Variants in DAB1 observed in about 807,000 individuals in gnomAD.
DAB1 encodes disabled homolog 1.
In DAB1, 15 loss-of-function variants were observed where a neutral mutation model predicts 64.6. The observed-to-expected ratio is 0.23, with a 90% CI of 0.16 to 0.36. The LOEUF (loss-of-function observed/expected upper bound fraction) is 0.36, where lower values mean the gene tolerates loss of function less well. Ranked by LOEUF, DAB1 falls within the 10% of genes least tolerant of loss-of-function variation. The pLI is 1.00. For missense variants in DAB1, 596 were observed against 706.7 expected (o/e 0.84, Z 1.78); for synonymous variants, 235 against 251.9 (o/e 0.93, Z 0.64).
At chr1:58,116,416 T>C (rs1355797975) in intron 5 of DAB1, among the ~76,000 whole-genome samples, 13 of 152,368 alleles carry the variant, frequency 8.5e-5, no homozygotes, top group Non-Finnish European at 1.8e-4. Context: ...TCCTAATTGA[T>C]ACAGTAGCCA....
In DAB1 at chr1:57,981,180, T is replaced by C. The variant is rs577783361; in HGVS notation, n.388-97018A>G. On this transcript the variant is annotated intron_variant and non_coding_transcript_variant, in intron 5 of 20. Transcript: ENST00000485760. ...ATTATTTGCCTCATCTGTATACTCA[T>C]CTCTATAAAGGCATACTAAAATCTA... is the stretch of plus-strand genomic sequence containing the variant. Among the ~76,000 whole-genome samples, 31 of 152,230 alleles carry C rather than the reference T, an allele frequency of 2.0e-4. No homozygotes were observed. In the East Asian group the frequency reaches 5.2e-3, roughly 26 times the overall value.
In DAB1 at chr1:57,081,294, CTT is replaced by C. The variant is rs530589963; in HGVS notation, c.307-8882_307-8881del. Reference sequence around the variant, plus strand: ...ATGGTAGGCTCTTTGCACTTTGGGTCTTTTCCCTGGCAACTGAGTTTAAGGTT... The same window carrying C: ...ATGGTAGGCTCTTTGCACTTTGGGTCTTCCCTGGCAACTGAGTTTAAGGTT... On this transcript the variant is annotated intron_variant, in intron 4 of 14. Transcript: ENST00000371236. Among the ~76,000 whole-genome samples the C allele has an allele frequency of 7.9e-3, 1,209 of 152,278 alleles. 16 individuals carry two copies. The highest frequency in any genetic ancestry group is 0.028 in the African/African-American group (1,154 of 41,556).
At chr1:57,347,631 G>A (rs1678223009) in intron 1 of DAB1, among the ~76,000 whole-genome samples, 1 of 152,128 alleles carries the variant, frequency 6.6e-6, no homozygotes, top group Non-Finnish European at 1.5e-5. Flanking sequence ...AATGTAAGTT[G>A]AATGGTAATT....
intron 3 of DAB1, among the ~76,000 whole-genome samples, chr1:58,373,920 T>C (rs1644297044): frequency 1.3e-5 from 2 of 150,476 alleles, no homozygotes; most frequent in South Asian, 2.1e-4. Context: ...TGCATTTCTC[T>C]GATGGCCAGT....
chr1:57,955,304 C>A (rs775482698), intron 5 of DAB1, among the ~76,000 whole-genome samples: 4 of 152,136 alleles, frequency 2.6e-5, no homozygotes, highest in Non-Finnish European at 5.9e-5. Context: ...TGTGAAAAGT[C>A]TTAGTGGCAT....
At chr1:58,473,985 A>G in intron 3 of DAB1, 1 of 1,252,956 alleles carries the variant, frequency 8.0e-7, no homozygotes, top group Non-Finnish European at 1.1e-6. Context: ...CATGCACGTA[A>G]ATATCACTTT....
chr1:57,384,334 T>C (rs1174676514), intron 1 of DAB1, among the ~76,000 whole-genome samples: 1 of 152,200 alleles, frequency 6.6e-6, no homozygotes, highest in Non-Finnish European at 1.5e-5. Context: ...GCAGCCACTA[T>C]GGAAAACAGT....
At chr1:57,376,007 G>A (rs1025368890) in intron 1 of DAB1, among the ~76,000 whole-genome samples, 9 of 152,106 alleles carry the variant, frequency 5.9e-5, no homozygotes, top group Non-Finnish European at 1.0e-4. Context: ...ATTTCATGAC[G>A]CATGCACTCC....
chr1:58,161,903 C>G (rs1167469562), intron 4 of DAB1, among the ~76,000 whole-genome samples: 1 of 152,068 alleles, frequency 6.6e-6, no homozygotes, highest in Non-Finnish European at 1.5e-5. Context: ...GTCAGATTTA[C>G]ATTTTAGAAA....
intron 6 of DAB1, among the ~76,000 whole-genome samples, chr1:57,738,248 TAATA>T (rs1032821955): frequency 2.6e-5 from 4 of 152,198 alleles, no homozygotes; most frequent in African/African-American, 9.6e-5. Flanking sequence ...AGGTAGGAAG[TAATA>T]AAAAGTCAAA....
chr1:57,619,428 T>A (rs1645829405), intron 7 of DAB1, among the ~76,000 whole-genome samples: 2 of 152,278 alleles, frequency 1.3e-5, no homozygotes, highest in Middle Eastern at 3.4e-3. Flanking sequence ...TGAGACAGAA[T>A]CTTGCTCTAT....
At chr1:57,181,557 T>C (rs998918382) in intron 2 of DAB1, among the ~76,000 whole-genome samples, 2 of 152,198 alleles carry the variant, frequency 1.3e-5, no homozygotes, top group African/African-American at 4.8e-5. Context: ...AAACAGGGAA[T>C]GGAAATACTG....
chr1:58,365,420 T>C (rs1391575559), intron 3 of DAB1, among the ~76,000 whole-genome samples: 1 of 152,216 alleles, frequency 6.6e-6, no homozygotes, highest in Non-Finnish European at 1.5e-5. Context: ...CCACTTCAGA[T>C]GCAAAGAGCC....
chr1:57,356,616 T>C lies in DAB1; in HGVS notation c.-136-65450A>G, dbSNP rs1265372826. Among the ~76,000 whole-genome samples, 3 of 152,150 alleles carry C rather than the reference T, an allele frequency of 2.0e-5. No homozygotes were observed. In the East Asian group the frequency reaches 5.8e-4, roughly 29 times the overall value. ...CAGTTCAGAAAATAAATAATCTCCC[T>C]AGGATATTTCTAAGTATTGCAACAA... is the stretch of plus-strand genomic sequence containing the variant. On this transcript the variant is annotated intron_variant, in intron 1 of 14. Transcript: ENST00000371236.
At chr1:57,192,291 C>T (rs1207231063) in intron 2 of DAB1, among the ~76,000 whole-genome samples, 1 of 150,222 alleles carries the variant, frequency 6.7e-6, no homozygotes, top group South Asian at 2.1e-4. Context: ...CACTCCAGCC[C>T]GGGTGACAGA....
intron 2 of DAB1, among the ~76,000 whole-genome samples, chr1:57,273,788 T>G (rs762058816): frequency 4.6e-5 from 7 of 151,974 alleles, no homozygotes; most frequent in Non-Finnish European, 7.4e-5. Flanking sequence ...GACTGGAATC[T>G]CACCAGCCCT....
chr1:57,348,583 A>T (rs988575064), intron 1 of DAB1, among the ~76,000 whole-genome samples: 2 of 152,116 alleles, frequency 1.3e-5, no homozygotes, highest in Admixed American at 1.3e-4. Flanking sequence ...TGTATACATC[A>T]TCTGTTCAGT....
At chr1:57,838,616 A>G (rs1431504569) in intron 1 of DAB1, among the ~76,000 whole-genome samples, 1 of 152,174 alleles carries the variant, frequency 6.6e-6, no homozygotes, top group Non-Finnish European at 1.5e-5. Context: ...TGGAGTCTCA[A>G]TAGCTGACTG....
intron 5 of DAB1, among the ~76,000 whole-genome samples, chr1:57,924,002 T>C (rs969854539): frequency 2.6e-5 from 4 of 152,240 alleles, no homozygotes; most frequent in African/African-American, 9.6e-5. Context: ...AGTAGCTTTT[T>C]TTCTATGCCC....
Sources: gnomAD v4.1 joint callset for allele counts (sites outside exome capture counted in the v4.1 genomes callset) on GRCh38, gnomAD v4.1.1 for gene constraint, MANE v1.5 for transcripts, NCBI Gene and HGNC (gene_info 2026-07-23, HGNC 2026-07-21) for gene names.